CDK14: variants seen among roughly 807,000 people sequenced by gnomAD.
CDK14 encodes cyclin-dependent kinase 14.
Under a neutral mutation model 60.7 loss-of-function variants are expected in CDK14, and 34 were observed. The ratio of observed to expected loss-of-function variants is 0.56; its 90% CI spans 0.43 to 0.75. The LOEUF is 0.75. Among genes scored for constraint, CDK14 ranks in the 30% least tolerant of loss-of-function variants. CDK14 has a pLI of 0.00. For synonymous variants in CDK14, 197 were observed against 203.7 expected (o/e 0.97, Z 0.28); for missense variants, 482 against 564.1 (o/e 0.85, Z 1.47).
chr7:90,622,635 C>G (rs1799794747), intron 2 of CDK14, among the ~76,000 whole-genome samples: 1 of 152,190 alleles, frequency 6.6e-6, no homozygotes, highest in African/African-American at 2.4e-5. Context: ...GGTCCCTTCT[C>G]TAAGTGGGTA....
intron 10 of CDK14, among the ~76,000 whole-genome samples, chr7:90,991,767 A>G (rs1795544134): frequency 6.6e-6 from 1 of 152,208 alleles, no homozygotes; most frequent in South Asian, 2.1e-4. Flanking sequence ...TTCCATGGTT[A>G]TTCAAAGGAG....
At chr7:90,659,874 T>TCG (rs1474938494) in intron 2 of CDK14, among the ~76,000 whole-genome samples, 140 of 135,574 alleles carry the variant, frequency 1.0e-3, no homozygotes, top group African/African-American at 3.8e-3. Flanking sequence ...TCTCTCTCTC[T>TCG]CTGTGTGTGT....
chr7:91,194,234 C>T (rs1476149830), intron 14 of CDK14, among the ~76,000 whole-genome samples: 2 of 152,096 alleles, frequency 1.3e-5, no homozygotes, highest in African/African-American at 4.8e-5. Context: ...GACCCAAGTA[C>T]TCAATAATTG....
intron 9 of CDK14, among the ~76,000 whole-genome samples, chr7:90,974,046 C>T (rs1252347993): frequency 7.2e-5 from 11 of 152,076 alleles, no homozygotes; most frequent in Admixed American, 6.6e-4. Flanking sequence ...CCAGAGCAGC[C>T]GTCTATAGAC....
intron 2 of CDK14, among the ~76,000 whole-genome samples, chr7:90,613,597 G>T (rs1348602595): frequency 3.9e-5 from 6 of 152,100 alleles, no homozygotes; most frequent in African/African-American, 1.2e-4. Flanking sequence ...CGAGGCAAGA[G>T]AATTGCTTGA....
chr7:90,605,676 A>G (rs1799402618), intron 2 of CDK14, among the ~76,000 whole-genome samples: 1 of 152,206 alleles, frequency 6.6e-6, no homozygotes, highest in Admixed American at 6.5e-5. Context: ...GGAAAAGGAG[A>G]AAGAAAAAAT....
At chr7:90,727,994 A>G (rs1584827824) in intron 3 of CDK14, among the ~76,000 whole-genome samples, 1 of 152,162 alleles carries the variant, frequency 6.6e-6, no homozygotes, top group South Asian at 2.1e-4. Flanking sequence ...TCATATGACT[A>G]TGATTTTATC....
At chr7:91,041,138 CA>C (rs1314025730) in intron 10 of CDK14, among the ~76,000 whole-genome samples, 2 of 150,302 alleles carry the variant, frequency 1.3e-5, no homozygotes, top group African/African-American at 2.4e-5. Context: ...TCCTCAGGGT[CA>C]GGGGTGTAGA....
At chr7:91,119,354 T>C (rs904843645) in intron 14 of CDK14, among the ~76,000 whole-genome samples, 1 of 152,116 alleles carries the variant, frequency 6.6e-6, no homozygotes, top group African/African-American at 2.4e-5. Flanking sequence ...GGTGGTGGCA[T>C]GTGCCTATAG....
chr7:90,912,457 G>A (rs1368811047), intron 7 of CDK14, among the ~76,000 whole-genome samples: 2 of 152,106 alleles, frequency 1.3e-5, no homozygotes, highest in Non-Finnish European at 2.9e-5. Context: ...GAGGTGTGGT[G>A]GAAAATTCAC....
intron 5 of CDK14, among the ~76,000 whole-genome samples, chr7:90,798,260 T>G (rs1788512864): frequency 6.6e-6 from 1 of 150,454 alleles, no homozygotes; most frequent in Non-Finnish European, 1.5e-5. Flanking sequence ...TTTTGTTATT[T>G]GTTTTTTTCT....
intron 7 of CDK14, 52 bp downstream of exon 7, chr7:90,899,405 T>A: frequency 7.2e-7 from 1 of 1,392,116 alleles, no homozygotes; most frequent in African/African-American, 1.5e-5. Flanking sequence ...TGTGTATTTT[T>A]TGAACTGAAG....
chr7:91,035,279 T>A (rs1796890097), intron 10 of CDK14, among the ~76,000 whole-genome samples: 1 of 152,202 alleles, frequency 6.6e-6, no homozygotes, highest in African/African-American at 2.4e-5. Context: ...GTGCACTGTG[T>A]CTATGGAGGC....
At chr7:91,062,032 C>G (rs891717465) in intron 11 of CDK14, among the ~76,000 whole-genome samples, 2 of 152,242 alleles carry the variant, frequency 1.3e-5, no homozygotes, top group Admixed American at 1.3e-4. Flanking sequence ...CCTCCTTGAG[C>G]TGCGATGGGC....
intron 2 of CDK14, among the ~76,000 whole-genome samples, chr7:90,724,967 C>T (rs972038912): frequency 7.9e-5 from 12 of 151,978 alleles, no homozygotes; most frequent in Admixed American, 5.2e-4. Flanking sequence ...GAGGACTCTG[C>T]CTTGAGTCTT....
intron 6 of CDK14, among the ~76,000 whole-genome samples, chr7:90,863,704 G>A (rs532313225): frequency 2.7e-5 from 4 of 146,112 alleles, no homozygotes; most frequent in African/African-American, 1.0e-4. Flanking sequence ...GTGTTTGTGT[G>A]TGTGTGTGTA....
At chr7:90,610,137 GTCC>G (rs1799509182) in intron 2 of CDK14, among the ~76,000 whole-genome samples, 1 of 151,992 alleles carries the variant, frequency 6.6e-6, no homozygotes, top group Admixed American at 6.5e-5. Context: ...CATTCTCATA[GTCC>G]ATAACCCATT....
chr7:90,814,676 G>T (rs1486397284), intron 5 of CDK14, among the ~76,000 whole-genome samples: 5 of 152,080 alleles, frequency 3.3e-5, no homozygotes, highest in African/African-American at 1.2e-4. Flanking sequence ...CAGCTACTAG[G>T]GAGGCAGGAG....
chr7:91,103,774 C>T (rs1220961884), intron 12 of CDK14, among the ~76,000 whole-genome samples: 2 of 151,992 alleles, frequency 1.3e-5, no homozygotes, highest in African/African-American at 4.8e-5. Context: ...CTGTTTTTCA[C>T]TATTCATGTT....
Sources: allele counts gnomAD v4.1 joint callset (sites outside exome capture counted in the v4.1 genomes callset), GRCh38; gene constraint gnomAD v4.1.1; transcripts MANE v1.5; gene names NCBI Gene and HGNC (gene_info 2026-07-23, HGNC 2026-07-21).